ACOT11: variants seen among roughly 807,000 people sequenced by gnomAD.
ACOT11 encodes the protein acyl-CoA thioesterase 11, also known as acyl-coenzyme A thioesterase 11.
Under a neutral mutation model 77.5 loss-of-function variants are expected in ACOT11, and 69 were observed. The ratio of observed to expected loss-of-function variants is 0.89; its 90% CI spans 0.73 to 1.09. The LOEUF (loss-of-function observed/expected upper bound fraction) is 1.09, where lower values mean the gene tolerates loss of function less well. Among genes scored for constraint, ACOT11 ranks in the 50% least tolerant of loss-of-function variants. ACOT11 has a pLI of 0.00. For missense variants in ACOT11, 766 were observed against 813.7 expected (o/e 0.94, Z 0.71); for synonymous variants, 279 against 313.0 (o/e 0.89, Z 1.15).
At chr1:54,611,688 G>C (rs1379342050), downstream of ACOT11, 2 of 1,614,022 alleles carry the variant, frequency 1.2e-6, no homozygotes, top group Non-Finnish European at 1.7e-6. Context: ...CCCGGACGTA[G>C]AGCAGATCTT....
rs1286752533 is a variant in ACOT11 at position 54,599,411 on chromosome 1, C to A, written c.880C>A (p.His294Asn). The change falls in exon 8 of 16, where the codon CAT (histidine) becomes AAT (asparagine). Residue 294 changes from histidine to asparagine, a missense_variant. Coordinates refer to ENST00000343744, the MANE Select transcript of ACOT11 (RefSeq NM_147161.4). ...AGCCATCGTGAACAATGCCTTCAAA[C>A]ATAGGTGAGGGTCTGGGATGGGTGC... ...LKAIVNNAFKHSMEVGVCVEA... is the reference protein window; with the variant it reads ...LKAIVNNAFKNSMEVGVCVEA... 1 of 1,602,618 alleles carries A rather than the reference C, an allele frequency of 6.2e-7. No individual in the cohort carries two copies. The highest frequency in any genetic ancestry group is 8.5e-7 in the Non-Finnish European group (1 of 1,173,706).
At chr1:54,593,350 CACT>C (rs1654778718) in intron 4 of ACOT11, among the ~76,000 whole-genome samples, 1 of 151,312 alleles carries the variant, frequency 6.6e-6, no homozygotes, top group Non-Finnish European at 1.5e-5. Context: ...CATCATAGCT[CACT>C]GTAACCTCAA....
In ACOT11 at chr1:54,609,148, C is replaced by G. The variant is rs750664223; in HGVS notation, c.*36C>G. The stretch of plus-strand genomic sequence containing the variant: ...TGGCCACATCATGCCCACTCCCACT[C>G]CATCCTGTCCCCAAGGACTCACATA... On this transcript the variant is annotated 3_prime_UTR_variant, in exon 16 of 16. Transcript: ENST00000343744. 124 of 1,613,080 alleles carry G rather than the reference C, an allele frequency of 7.7e-5. No homozygotes were observed. Among genetic ancestry groups the G allele is most frequent in the Non-Finnish European group, 9.7e-5 (114 of 1,179,512 alleles).
Position 54,609,692 on chromosome 1 carries a change from G to GC in ACOT11, c.*584dup, listed in dbSNP as rs1557668267. ...CGAAAAACTCCCGTGGGAGATTTTGGCCCCAACCCACACAGGCCAATGCAA... is the reference window on the plus strand; with the variant it reads ...CGAAAAACTCCCGTGGGAGATTTTGGCCCCCAACCCACACAGGCCAATGCAA... On this transcript the variant is annotated 3_prime_UTR_variant, in exon 16 of 16. Transcript: ENST00000343744. 1 of 1,614,018 alleles carries GC rather than the reference G, an allele frequency of 6.2e-7. No individual in the cohort carries two copies. The highest frequency in any genetic ancestry group is 1.7e-4 in the Middle Eastern group (1 of 6,060).
chr1:54,603,877 C>T lies in ACOT11; in HGVS notation c.1092C>T (p.Tyr364=), dbSNP rs555570107. 2 of 1,614,068 alleles carry T rather than the reference C, an allele frequency of 1.2e-6. No homozygotes were observed. Among genetic ancestry groups the T allele is most frequent in the African/African-American group, 2.7e-5 (2 of 75,030 alleles). ...ARKKIRLDRK[Y]IVSCKQTEVP... Reference sequence around the variant, plus strand: ...CATCTTCTCTCCTTCCCAGGAAGTACATCGTGTCCTGTAAGCAGACAGAGG... The same window carrying T: ...CATCTTCTCTCCTTCCCAGGAAGTATATCGTGTCCTGTAAGCAGACAGAGG... Residue 364 remains tyrosine, a synonymous_variant, in exon 11 of 16, where the codon TAC becomes TAT. Transcript: ENST00000343744.
At chr1:54,632,044 C>G (rs922884318) in intron 16 of ACOT11, among the ~76,000 whole-genome samples, 1 of 152,010 alleles carries the variant, frequency 6.6e-6, no homozygotes, top group Admixed American at 6.6e-5. Context: ...GAAGCGTGGT[C>G]ATACTAAAAA....
chr1:54,558,322 A>C (rs1419877353), intron 1 of ACOT11, among the ~76,000 whole-genome samples: 4 of 152,256 alleles, frequency 2.6e-5, no homozygotes, highest in African/African-American at 9.6e-5. Context: ...TGCTAGCTGT[A>C]TGCCATGCCT....
At chr1:54,632,729 G>C (rs11206399) in intron 16 of ACOT11, among the ~76,000 whole-genome samples, 9,688 of 152,256 alleles carry the variant, frequency 0.064, 990 homozygotes, top group African/African-American at 0.21. Flanking sequence ...TTAAAGGTTT[G>C]GTAGATACAA....
chr1:54,585,783 G>T, intron 2 of ACOT11, 52 bp from the exon 3 acceptor site: 1 of 1,596,626 alleles, frequency 6.3e-7, no homozygotes, highest in African/African-American at 1.3e-5. Flanking sequence ...CTGAGCAGAG[G>T]CCTGTGATCG....
chr1:54,605,267 AGT>A (rs1348943041), intron 13 of ACOT11, 58 bp downstream of exon 13: 12 of 1,538,682 alleles, frequency 7.8e-6, no homozygotes, highest in Non-Finnish European at 1.1e-5. Context: ...TGAGGGAGAG[AGT>A]GTCTCCTTCT....
At chr1:54,610,591 C>A, downstream of ACOT11, 2 of 1,599,242 alleles carry the variant, frequency 1.3e-6, no homozygotes, top group Non-Finnish European at 1.7e-6. Context: ...GAAGTGGCTG[C>A]CATTCACAGA....
intron 1 of ACOT11, among the ~76,000 whole-genome samples, chr1:54,552,978 C>T (rs550052533): frequency 1.3e-5 from 2 of 151,772 alleles, no homozygotes; most frequent in African/African-American, 4.8e-5. Context: ...CAGGCATGTG[C>T]CACCATGCCT....
rs567592072 is a variant in ACOT11, at chr1:54,622,756, C to A, written c.1630-7978C>A. Among the ~76,000 whole-genome samples the A allele has an allele frequency of 2.6e-4, 39 of 147,660 alleles. 1 individual carries two copies. The highest frequency in any genetic ancestry group is 5.3e-4 in the Non-Finnish European group (35 of 66,042). On this transcript the variant is annotated intron_variant, in intron 15 of 16. Coordinates refer to the ACOT11 transcript ENST00000371316. ...ACTCCGTCTCAAAAAAAATAGTTAA[C>A]GGGACTTTCTGCTGGGGAAGTCAAC...
At chr1:54,567,852 T>A (rs1353136580) in intron 1 of ACOT11, among the ~76,000 whole-genome samples, 1 of 152,182 alleles carries the variant, frequency 6.6e-6, no homozygotes, top group Non-Finnish European at 1.5e-5. Flanking sequence ...GCAGTCTGCC[T>A]GCTGCTTCTC....
rs1267056981 is a variant in ACOT11, at chr1:54,604,345, G to C, written c.1153-1G>C. 1.2e-6 allele frequency: 2 copies of C among 1,613,788 alleles called. No individual in the cohort carries two copies. The highest frequency in any genetic ancestry group is 1.7e-5 in the Admixed American group (1 of 60,006). On this transcript the variant is annotated splice_acceptor_variant, in intron 11 of 15. Transcript: ENST00000343744. LOFTEE classifies it high-confidence loss of function. ...GTGGTAGCACCTGTGTACTCTTTCA[G>C]GTGTACCTGAGCTACAATAACGTCT...
At chr1:54,601,188 T>C in intron 8 of ACOT11, 81 bp from the exon 9 acceptor site, 11 of 1,521,888 alleles carry the variant, frequency 7.2e-6, no homozygotes, top group Non-Finnish European at 9.8e-6. Flanking sequence ...TGCATGTGTG[T>C]GTGTGAGTGT....
chr1:54,603,726 G>T, intron 10 of ACOT11, 145 bp from the exon 11 acceptor site: 1 of 756,334 alleles, frequency 1.3e-6, no homozygotes, highest in South Asian at 1.6e-5. Context: ...TGTCCTGTGT[G>T]ACCATCCAGC....
intron 15 of ACOT11, among the ~76,000 whole-genome samples, chr1:54,629,689 A>G (rs116310142): frequency 0.041 from 5,458 of 132,186 alleles, 867 homozygotes; most frequent in African/African-American, 0.13. Flanking sequence ...GGCTCAAGCT[A>G]TTCTCCCACC....
exon 17 of ACOT11, chr1:54,637,118 ATC>A (rs1383570318): frequency 2.6e-5 from 4 of 152,130 alleles, no homozygotes; most frequent in African/African-American, 9.7e-5. Context: ...ATGTGGGTAA[ATC>A]TCTGTTGGGG....
Sources: allele counts gnomAD v4.1 joint callset (sites outside exome capture counted in the v4.1 genomes callset), GRCh38; gene constraint gnomAD v4.1.1; transcripts MANE v1.5; gene names NCBI Gene and HGNC (gene_info 2026-07-23, HGNC 2026-07-21).